The following PALM2AKAP2 variants were observed in gnomAD, a reference collection of about 807,000 sequenced individuals.
PALM2AKAP2 encodes PALM2-AKAP2 fusion protein.
PALM2AKAP2 carries 37 observed loss-of-function variants against 71.5 expected under a neutral mutation model. That is an observed-to-expected ratio of 0.52 (90% CI 0.40 to 0.68). PALM2AKAP2 has a LOEUF of 0.68. Among genes scored for constraint, PALM2AKAP2 ranks in the 30% least tolerant of loss-of-function variants. The pLI is 0.00. For synonymous variants in PALM2AKAP2, 468 were observed against 478.8 expected, an observed-to-expected ratio of 0.98 and a Z score of 0.29; for missense variants, 1,224 against 1,191.8, an observed-to-expected ratio of 1.03 and a Z score of -0.40.
chr9:109,882,558 G>T (rs1829877545), intron 3 of PALM2AKAP2, among the ~76,000 whole-genome samples: 2 of 152,160 alleles, frequency 1.3e-5, no homozygotes, highest in Non-Finnish European at 2.9e-5. Context: ...TATAGAGAGA[G>T]AGTAGGTGTT....
At chr9:110,088,701 G>A (rs887741035) in intron 1 of PALM2AKAP2, among the ~76,000 whole-genome samples, 14 of 65,682 alleles carry the variant, frequency 2.1e-4, no homozygotes, top group Non-Finnish European at 3.6e-4. Flanking sequence ...TTGCATTTAC[G>A]TGTTTTTTTT....
rs1587860495 is a variant in PALM2AKAP2 at position 109,668,202 on chromosome 9, C to T, written c.5+27336C>T. Among the ~76,000 whole-genome samples, 4 of 20,730 alleles carry T rather than the reference C, an allele frequency of 1.9e-4. 2 individuals carry two copies. In the South Asian group the frequency reaches 2.8e-3, roughly 14 times the overall value. 13.6% of individuals were successfully genotyped at this position (20,730 alleles called of 152,430 possible). The stretch of plus-strand genomic sequence containing the variant: ...CCGCCCGCCTCGGCCTCCCAAAGTG[C>T]TGGGATTACAGGCGTGAGCCACCGC... On this transcript the variant is annotated intron_variant, in intron 1 of 6. Transcript: ENST00000374531.
chr9:110,143,523 G>A (rs1836088737), intron 2 of PALM2AKAP2, among the ~76,000 whole-genome samples: 1 of 152,090 alleles, frequency 6.6e-6, no homozygotes, highest in Non-Finnish European at 1.5e-5. Flanking sequence ...CACCCTTGAG[G>A]AAAGAATTAG....
At chr9:109,676,058 T>G (rs1827644337) in intron 1 of PALM2AKAP2, among the ~76,000 whole-genome samples, 3 of 152,162 alleles carry the variant, frequency 2.0e-5, no homozygotes, top group Admixed American at 2.0e-4. Flanking sequence ...TAGAAGGAAT[T>G]TTCACTAATT....
chr9:109,917,778 G>A (rs757145569), intron 3 of PALM2AKAP2, among the ~76,000 whole-genome samples: 69 of 152,284 alleles, frequency 4.5e-4, no homozygotes, highest in Middle Eastern at 3.4e-3. Flanking sequence ...ACAGGCATGA[G>A]CCACCGCACC....
At chr9:109,827,096 T>C (rs1312566181) in intron 1 of PALM2AKAP2, among the ~76,000 whole-genome samples, 3 of 152,232 alleles carry the variant, frequency 2.0e-5, no homozygotes, top group African/African-American at 7.2e-5. Flanking sequence ...CTAATTAGTC[T>C]GAGGACTCTA....
rs576880793 is a variant in PALM2AKAP2, at chr9:109,808,239, T to C, written c.45+27706T>C. 5.3e-5 allele frequency among the ~76,000 whole-genome samples: 8 copies of C among 152,274 alleles called. No homozygotes were observed. In the East Asian group the frequency reaches 1.5e-3, roughly 29 times the overall value. On this transcript the variant is annotated intron_variant, in intron 1 of 9. Coordinates refer to the PALM2AKAP2 transcript ENST00000302798. ...AAGAAGTCAGGAAGATGTGGGAAAG[T>C]TTGGAACTTCCTAGAGACTTGTTGA... is the stretch of plus-strand genomic sequence containing the variant.
At chr9:109,819,331 T>C (rs1827929986) in intron 1 of PALM2AKAP2, among the ~76,000 whole-genome samples, 1 of 152,204 alleles carries the variant, frequency 6.6e-6, no homozygotes, top group Admixed American at 6.5e-5. Context: ...GTAATCCAGA[T>C]GAGAAATGAA....
chr9:109,910,335 A>T, intron 3 of PALM2AKAP2, among the ~76,000 whole-genome samples: 1 of 152,202 alleles, frequency 6.6e-6, no homozygotes, highest in East Asian at 1.9e-4. Flanking sequence ...CCGGGTGGAG[A>T]CATTCAAAAT....
Position 110,137,081 on chromosome 9 carries a change from A to AGCAGTTACAGCAGC in PALM2AKAP2, c.1111_1112insGCAGTTACAGCAGC (p.Lys371SerfsTer32). ...ACAGCAGGAACAGTTGCTGCTGCAG[A>AGCAGTTACAGCAGC]AGCAGTTACAGCAGCAGCAGCAGCA... is the stretch of plus-strand genomic sequence containing the variant. On this transcript the variant is annotated frameshift_variant, in exon 2 of 4. Transcript: ENST00000374525. LOFTEE classifies it high-confidence loss of function. 6.2e-7 allele frequency: 1 copy of AGCAGTTACAGCAGC among 1,613,444 alleles called. No homozygotes were observed. The highest frequency in any genetic ancestry group is 8.5e-7 in the Non-Finnish European group (1 of 1,179,704).
intron 6 of PALM2AKAP2, among the ~76,000 whole-genome samples, chr9:109,999,261 C>A (rs1832634303): frequency 6.6e-6 from 1 of 151,902 alleles, no homozygotes; most frequent in Non-Finnish European, 1.5e-5. Flanking sequence ...ATCACTTCAA[C>A]CTTGGAGGTG....
chr9:109,886,278 C>T (rs1190744572), intron 3 of PALM2AKAP2, among the ~76,000 whole-genome samples: 2 of 152,106 alleles, frequency 1.3e-5, no homozygotes, highest in African/African-American at 4.8e-5. Context: ...ACATGTGGAC[C>T]TCGGGTTGAT....
At chr9:109,783,004 T>C (rs1826861188) in intron 1 of PALM2AKAP2, among the ~76,000 whole-genome samples, 2 of 152,006 alleles carry the variant, frequency 1.3e-5, no homozygotes, top group Non-Finnish European at 2.9e-5. Flanking sequence ...TCTGGAGATG[T>C]GAGGGAAGAA....
At chr9:109,662,884 G>T (rs1335602506) in intron 1 of PALM2AKAP2, among the ~76,000 whole-genome samples, 1 of 152,060 alleles carries the variant, frequency 6.6e-6, no homozygotes, top group African/African-American at 2.4e-5. Flanking sequence ...GCTTCTTCCT[G>T]GTTTAGTCTT....
At chr9:109,995,282 G>T (rs760871517) in intron 6 of PALM2AKAP2, among the ~76,000 whole-genome samples, 14 of 152,100 alleles carry the variant, frequency 9.2e-5, no homozygotes, top group Non-Finnish European at 1.9e-4. Context: ...AGAGGAAGGA[G>T]CAGTGCTAGA....
In PALM2AKAP2 at chr9:109,780,566, AT is replaced by A; in HGVS notation, c.45+35del. The stretch of plus-strand genomic sequence containing the variant: ...CACTTTCATTTTATTTTCTTGCTCT[AT>A]TGTCTGGGGTGGAAGGGGGCCCCCG... On this transcript the variant is annotated intron_variant, in intron 1 of 9. Transcript: ENST00000302798. The A allele has an allele frequency of 3.1e-6, 5 of 1,612,710 alleles. No homozygotes were observed. In the South Asian group the frequency reaches 5.5e-5, roughly 18 times the overall value.
At chr9:109,808,877 C>T (rs1055921527) in intron 1 of PALM2AKAP2, among the ~76,000 whole-genome samples, 2 of 152,224 alleles carry the variant, frequency 1.3e-5, no homozygotes, top group Non-Finnish European at 2.9e-5. Context: ...TAAAAGAGGC[C>T]AATGTAGAGT....
intron 1 of PALM2AKAP2, among the ~76,000 whole-genome samples, chr9:109,789,416 T>C (rs928946552): frequency 6.6e-6 from 1 of 152,226 alleles, no homozygotes; most frequent in Non-Finnish European, 1.5e-5. Context: ...TGATGGTTAA[T>C]ATTTTATGAA....
chr9:109,806,700 C>G (rs778756201), intron 1 of PALM2AKAP2, among the ~76,000 whole-genome samples: 5 of 152,080 alleles, frequency 3.3e-5, no homozygotes, highest in Non-Finnish European at 7.3e-5. Context: ...CTGGCCTGAG[C>G]TGAGATCATA....
Sources: gnomAD v4.1 joint callset for allele counts (sites outside exome capture counted in the v4.1 genomes callset) on GRCh38, gnomAD v4.1.1 for gene constraint, MANE v1.5 for transcripts, NCBI Gene and HGNC (gene_info 2026-07-23, HGNC 2026-07-21) for gene names.